The following SULF1 variants were observed in gnomAD, a reference collection of about 807,000 sequenced individuals.
SULF1 encodes the protein extracellular sulfatase Sulf-1.
In SULF1, 46 loss-of-function variants were observed where a neutral mutation model predicts 110.5. The ratio of observed to expected loss-of-function variants is 0.42; its 90% CI spans 0.33 to 0.53. The LOEUF is 0.53. Ranked by LOEUF, SULF1 falls within the 20% of genes least tolerant of loss-of-function variation. The probability of loss-of-function intolerance (pLI) is 0.12; values close to 1 mark genes in which losing one functional copy is unlikely to be tolerated. For missense variants in SULF1, 941 were observed against 1,094.2 expected, an observed-to-expected ratio of 0.86 and a Z score of 1.98; for synonymous variants, 371 against 387.1, an observed-to-expected ratio of 0.96 and a Z score of 0.49.
At chr8:69,467,125 A>G (rs1207641028) in intron 1 of SULF1, 1 of 152,212 alleles carries the variant, frequency 6.6e-6, no homozygotes, top group South Asian at 2.1e-4. Context: ...TCTTTGTAGA[A>G]CTAACACTCC....
intron 1 of SULF1, among the ~76,000 whole-genome samples, chr8:69,482,969 A>G (rs1809567646): frequency 6.6e-6 from 1 of 152,144 alleles, no homozygotes; most frequent in South Asian, 2.1e-4. Flanking sequence ...ATACAACAAT[A>G]AAAAAATACA....
chr8:69,534,510 A>G (rs1813306851), intron 3 of SULF1, among the ~76,000 whole-genome samples: 1 of 152,202 alleles, frequency 6.6e-6, no homozygotes, highest in South Asian at 2.1e-4. Context: ...CCAATCACTG[A>G]AGTTTTAGAA....
At chr8:69,575,748 GGGA>G (rs1319306063) in intron 5 of SULF1, among the ~76,000 whole-genome samples, 3 of 152,068 alleles carry the variant, frequency 2.0e-5, no homozygotes, top group African/African-American at 7.2e-5. Flanking sequence ...CGTGATTACA[GGGA>G]GGAGAAGTGT....
intron 3 of SULF1, among the ~76,000 whole-genome samples, chr8:69,503,521 C>T (rs1810957990): frequency 6.6e-6 from 1 of 152,082 alleles, no homozygotes; most frequent in Non-Finnish European, 1.5e-5. Context: ...GTTCAATGAA[C>T]AGAACTGGAA....
In SULF1 at chr8:69,467,990, A is replaced by T. The variant is rs1037289991; in HGVS notation, c.-391+1040A>T. Among the ~76,000 whole-genome samples the T allele has an allele frequency of 2.8e-5, 4 of 143,844 alleles. No homozygotes were observed. The East Asian group carries it at 5.8e-4, about 21-fold the overall frequency. 94.4% of individuals were successfully genotyped at this position (143,844 alleles called of 152,430 possible). ...TATGCTATGTTTAATTTATAGTATT[A>T]AAAAAAAGGCCTTTCAATTCAGGCT... On this transcript the variant is annotated intron_variant, in intron 1 of 22. Transcript: ENST00000260128.
chr8:69,557,528 AC>A (rs1815193361), intron 3 of SULF1, among the ~76,000 whole-genome samples: 1 of 151,848 alleles, frequency 6.6e-6, no homozygotes, highest in Non-Finnish European at 1.5e-5. Context: ...TCACTCTTCA[AC>A]CCTCACTTCA....
intron 16 of SULF1, 32 bp downstream of exon 16, chr8:69,627,338 T>A (rs1810162118): frequency 1.3e-6 from 2 of 1,570,646 alleles, no homozygotes; most frequent in South Asian, 2.2e-5. Context: ...GTCAGATATA[T>A]TCCAAACTCA....
At chr8:69,635,580 G>A (rs977943258) in intron 19 of SULF1, among the ~76,000 whole-genome samples, 1 of 152,194 alleles carries the variant, frequency 6.6e-6, no homozygotes, top group Non-Finnish European at 1.5e-5. Context: ...GTAATTAAGA[G>A]TAAACTCTTG....
intron 2 of SULF1, among the ~76,000 whole-genome samples, 157 bp from the exon 3 acceptor site, chr8:69,501,716 CT>C (rs769183878): frequency 6.6e-6 from 1 of 152,184 alleles, no homozygotes; most frequent in Non-Finnish European, 1.5e-5. Context: ...TTCAAAGACT[CT>C]TGCGAGTGAT....
chr8:69,492,619 T>G (rs767541092), upstream of SULF1: 7 of 152,260 alleles, frequency 4.6e-5, no homozygotes, highest in Non-Finnish European at 1.0e-4. Context: ...GCCGGCCGGC[T>G]GCAGCGCAGT....
chr8:69,573,056 G>A (rs1433623048), intron 5 of SULF1, among the ~76,000 whole-genome samples: 3 of 152,112 alleles, frequency 2.0e-5, no homozygotes, highest in South Asian at 2.1e-4. Context: ...TGAATTCCCC[G>A]CCTCAGGTGA....
At chr8:69,615,258 A>G (rs527649692) in intron 13 of SULF1, among the ~76,000 whole-genome samples, 1 of 152,218 alleles carries the variant, frequency 6.6e-6, no homozygotes, top group East Asian at 1.9e-4. Context: ...TTTCAGAGCA[A>G]TTCTTTTAAA....
chr8:69,531,198 G>A (rs1354635159), intron 3 of SULF1, among the ~76,000 whole-genome samples: 2 of 152,174 alleles, frequency 1.3e-5, no homozygotes, highest in Non-Finnish European at 2.9e-5. Context: ...GCTCATGCCT[G>A]TGCTCTGTCT....
At chr8:69,641,634 C>T (rs537645198) in intron 22 of SULF1, among the ~76,000 whole-genome samples, 2 of 152,064 alleles carry the variant, frequency 1.3e-5, no homozygotes, top group East Asian at 1.9e-4. Context: ...TACTCAGCTA[C>T]TCAAGAAGCT....
chr8:69,590,322 T>A (rs1175924702), intron 8 of SULF1, among the ~76,000 whole-genome samples: 1 of 152,082 alleles, frequency 6.6e-6, no homozygotes, highest in East Asian at 1.9e-4. Context: ...CCACCACACC[T>A]GGCTAATTTT....
intron 1 of SULF1, among the ~76,000 whole-genome samples, chr8:69,478,372 T>C (rs1809388310): frequency 6.6e-6 from 1 of 152,184 alleles, no homozygotes; most frequent in Admixed American, 6.5e-5. Flanking sequence ...TTCTGCAGCA[T>C]CCAGTCTAAA....
intron 8 of SULF1, among the ~76,000 whole-genome samples, chr8:69,599,057 G>C (rs1366778801): frequency 6.6e-6 from 1 of 152,188 alleles, no homozygotes; most frequent in Admixed American, 6.5e-5. Flanking sequence ...GTGCATGGCA[G>C]TGTCCCAGGG....
intron 3 of SULF1, among the ~76,000 whole-genome samples, chr8:69,529,804 T>C (rs1320564853): frequency 6.6e-6 from 1 of 152,174 alleles, no homozygotes; most frequent in South Asian, 2.1e-4. Context: ...GAGCAGGTGA[T>C]CTGAGAGAAC....
At chr8:69,644,951 C>T (rs1472228039) in intron 22 of SULF1, among the ~76,000 whole-genome samples, 1 of 152,132 alleles carries the variant, frequency 6.6e-6, no homozygotes, top group Non-Finnish European at 1.5e-5. Flanking sequence ...CTTACTAGCA[C>T]TGTTGGACTT....
Sources: allele counts gnomAD v4.1 joint callset (sites outside exome capture counted in the v4.1 genomes callset), GRCh38; gene constraint gnomAD v4.1.1; transcripts MANE v1.5; gene names NCBI Gene and HGNC (gene_info 2026-07-23, HGNC 2026-07-21).